The following LINGO2 variants were observed in gnomAD, a reference collection of about 807,000 sequenced individuals.
LINGO2 encodes the protein leucine rich repeat and Ig domain containing 2.
LINGO2 carries 14 observed loss-of-function variants against 30.6 expected under a neutral mutation model. The ratio of observed to expected loss-of-function variants is 0.46; its 90% CI spans 0.30 to 0.72. LINGO2 has a LOEUF of 0.72. Ranked by LOEUF, LINGO2 falls within the 30% of genes least tolerant of loss-of-function variation. The pLI, the probability that LINGO2 is intolerant of heterozygous loss-of-function variation, is 0.07. For missense variants in LINGO2, 729 were observed against 751.7 expected, an observed-to-expected ratio of 0.97 and a Z score of 0.35; for synonymous variants, 317 against 288.5, an observed-to-expected ratio of 1.10 and a Z score of -1.00.
chr9:28,852,641 T>A, the LINGO2 span, among the ~76,000 whole-genome samples: 3 of 152,014 alleles, frequency 2.0e-5, no homozygotes, highest in Non-Finnish European at 2.9e-5. Context: ...AAAGGAAATG[T>A]ACTGATGCTG....
At chr9:28,555,888 G>T (rs1485761991) in intron 1 of LINGO2, among the ~76,000 whole-genome samples, 5 of 151,972 alleles carry the variant, frequency 3.3e-5, no homozygotes, top group African/African-American at 1.2e-4. Flanking sequence ...CAGAACCAAA[G>T]ACAAAAACCA....
intron 5 of LINGO2, among the ~76,000 whole-genome samples, chr9:27,977,420 G>C (rs897808011): frequency 8.6e-5 from 13 of 151,832 alleles, no homozygotes; most frequent in African/African-American, 3.1e-4. Context: ...GCGGGTTGGG[G>C]GGAGCAGTCT....
At chr9:28,204,956 C>T (rs1332057630) in intron 4 of LINGO2, among the ~76,000 whole-genome samples, 1 of 152,138 alleles carries the variant, frequency 6.6e-6, no homozygotes, top group East Asian at 1.9e-4. Flanking sequence ...GGCCCACTAG[C>T]CCAATTGGCC....
At chr9:28,933,666 A>G in the LINGO2 span, among the ~76,000 whole-genome samples, 1 of 152,280 alleles carries the variant, frequency 6.6e-6, no homozygotes, top group East Asian at 1.9e-4. Flanking sequence ...TCAAGCTTGT[A>G]TACTTGATAA....
intron 1 of LINGO2, among the ~76,000 whole-genome samples, chr9:28,565,454 G>T (rs1193387589): frequency 6.6e-6 from 1 of 151,630 alleles, no homozygotes; most frequent in Non-Finnish European, 1.5e-5. Context: ...CAAAGTGCTG[G>T]GATTGTAGGC....
chr9:29,068,001 A>T, the LINGO2 span, among the ~76,000 whole-genome samples: 6 of 151,844 alleles, frequency 4.0e-5, no homozygotes, highest in Non-Finnish European at 7.4e-5. Flanking sequence ...AAAGAAGTTC[A>T]AATTTTTAAA....
At chr9:28,248,910 CAA>C (rs913849551) in intron 4 of LINGO2, among the ~76,000 whole-genome samples, 14 of 152,218 alleles carry the variant, frequency 9.2e-5, no homozygotes, top group African/African-American at 2.6e-4. Flanking sequence ...AATCCCACAC[CAA>C]GAGAGAGTTA....
the LINGO2 span, among the ~76,000 whole-genome samples, chr9:29,178,160 A>G: frequency 6.6e-6 from 1 of 151,802 alleles, no homozygotes; most frequent in East Asian, 1.9e-4. Context: ...GGTCCAAGTA[A>G]TTCTCCCACC....
chr9:28,867,778 A>G, the LINGO2 span, among the ~76,000 whole-genome samples: 1 of 152,110 alleles, frequency 6.6e-6, no homozygotes. Flanking sequence ...CTAAAAGCTC[A>G]TGTTTTGTCT....
At chr9:29,118,660 G>A in the LINGO2 span, among the ~76,000 whole-genome samples, 3 of 152,066 alleles carry the variant, frequency 2.0e-5, no homozygotes, top group Admixed American at 6.5e-5. Flanking sequence ...GCCCCAACCC[G>A]GACTCAGCTC....
the LINGO2 span, among the ~76,000 whole-genome samples, chr9:28,907,319 G>C: frequency 1.3e-5 from 2 of 152,046 alleles, no homozygotes; most frequent in South Asian, 4.1e-4. Context: ...GTGTGGCTAA[G>C]CATAGTAACA....
downstream of LINGO2, among the ~76,000 whole-genome samples, chr9:27,947,380 G>A (rs74574254): frequency 7.9e-5 from 12 of 152,124 alleles, no homozygotes; most frequent in East Asian, 1.5e-3. Flanking sequence ...TTGGGTCAGA[G>A]AGAGGAAAAA....
the LINGO2 span, among the ~76,000 whole-genome samples, chr9:29,028,420 G>GT: frequency 2.8e-3 from 57 of 20,660 alleles, no homozygotes; most frequent in African/African-American, 8.1e-3. Context: ...GGTAGTGTGT[G>GT]GGGGGGGGTG....
the LINGO2 span, among the ~76,000 whole-genome samples, chr9:28,881,157 C>T: frequency 6.6e-6 from 1 of 152,128 alleles, no homozygotes; most frequent in Admixed American, 6.6e-5. Context: ...TTTTATCAGT[C>T]TCTCATCCCA....
rs889757566 is a variant in LINGO2 at position 28,447,051 on chromosome 9, G to A, written c.-279+28889C>T. On this transcript the variant is annotated intron_variant, in intron 2 of 5. Coordinates refer to ENST00000379992, the Ensembl canonical transcript of LINGO2. ...CCCAACTGTCAATATCCCTTTGGCT[G>A]TCTAACTCTTATGAGGATTTAGATT... Among the ~76,000 whole-genome samples, 9 of 152,138 alleles carry A rather than the reference G, an allele frequency of 5.9e-5. No individual in the cohort carries two copies. In the South Asian group the frequency reaches 1.9e-3, roughly 31 times the overall value.
intron 5 of LINGO2, among the ~76,000 whole-genome samples, chr9:28,009,707 T>G (rs1305724941): frequency 6.6e-6 from 1 of 152,174 alleles, no homozygotes. Flanking sequence ...AAAAGGCAGA[T>G]AGCAACAAGT....
chr9:29,126,465 A>T, the LINGO2 span, among the ~76,000 whole-genome samples: 1 of 152,142 alleles, frequency 6.6e-6, no homozygotes, highest in Admixed American at 6.6e-5. Context: ...GGTACTTATG[A>T]AATTAATCTC....
intron 4 of LINGO2, among the ~76,000 whole-genome samples, chr9:28,057,559 A>ATATATACATATATATACACATATG (rs1824987194): frequency 7.9e-6 from 1 of 126,168 alleles, no homozygotes; most frequent in Non-Finnish European, 1.7e-5. Context: ...ATAAGTATAT[A>ATATATACATATATATACACATATG]TATATACATA....
the LINGO2 span, among the ~76,000 whole-genome samples, chr9:28,833,072 A>G: frequency 6.6e-6 from 1 of 152,118 alleles, no homozygotes; most frequent in Non-Finnish European, 1.5e-5. Flanking sequence ...TTTTATATTT[A>G]TAACTAAAGT....
Sources: allele counts gnomAD v4.1 joint callset (sites outside exome capture counted in the v4.1 genomes callset), GRCh38; gene constraint gnomAD v4.1.1; transcripts MANE v1.5; gene names NCBI Gene and HGNC (gene_info 2026-07-23, HGNC 2026-07-21).